HNRNPLL: variants seen among roughly 807,000 people sequenced by gnomAD.
HNRNPLL encodes the protein heterogeneous nuclear ribonucleoprotein L-like.
In HNRNPLL, 25 loss-of-function variants were observed where a neutral mutation model predicts 67.1. The observed-to-expected ratio is 0.37, with a 90% CI of 0.27 to 0.52. The LOEUF is 0.52. HNRNPLL is among the 20% of genes least tolerant of loss of function. HNRNPLL has a pLI of 0.90. For synonymous variants in HNRNPLL, 267 were observed against 241.7 expected (o/e 1.10, Z -0.97); for missense variants, 542 against 673.9 (o/e 0.80, Z 2.17).
intron 7 of HNRNPLL, among the ~76,000 whole-genome samples, chr2:38,575,590 G>C (rs140953045): frequency 1.3e-5 from 2 of 151,898 alleles, no homozygotes; most frequent in East Asian, 1.9e-4. Context: ...GATTCACATA[G>C]ATTTCATACT....
At chr2:38,602,084 C>G in intron 1 of HNRNPLL, 1 of 275,952 alleles carries the variant, frequency 3.6e-6, no homozygotes, top group Non-Finnish European at 6.9e-6. Flanking sequence ...GGTCCCGACG[C>G]TGGCCCCGAG....
chr2:38,596,357 C>T (rs187573562), intron 1 of HNRNPLL, among the ~76,000 whole-genome samples: 82 of 151,708 alleles, frequency 5.4e-4, no homozygotes, highest in African/African-American at 1.9e-3. Flanking sequence ...CTCCTGGGTT[C>T]AAGCAGTTCT....
intron 8 of HNRNPLL, among the ~76,000 whole-genome samples, chr2:38,570,358 T>C (rs946480733): frequency 6.6e-6 from 1 of 152,246 alleles, no homozygotes; most frequent in Non-Finnish European, 1.5e-5. Context: ...ACAGACATTA[T>C]CTTCTTGAAC....
chr2:38,572,441 A>C (rs537902096), intron 8 of HNRNPLL, among the ~76,000 whole-genome samples: 1 of 152,208 alleles, frequency 6.6e-6, no homozygotes, highest in East Asian at 1.9e-4. Context: ...AACAGGAAAA[A>C]AACACATTAC....
intron 1 of HNRNPLL, chr2:38,599,799 T>A: frequency 2.2e-6 from 1 of 448,078 alleles, no homozygotes. Flanking sequence ...CACTCAAGGT[T>A]AATCATAAAA....
intron 4 of HNRNPLL, among the ~76,000 whole-genome samples, chr2:38,582,945 A>T (rs1666591977): frequency 6.6e-6 from 1 of 152,054 alleles, no homozygotes; most frequent in African/African-American, 2.4e-5. Flanking sequence ...TAATTCTTTT[A>T]GGTCATCATT....
chr2:38,564,247 G>A lies in HNRNPLL; in HGVS notation c.1574-10C>T. On this transcript the variant is annotated splice_polypyrimidine_tract_variant and intron_variant, in intron 12 of 12. Coordinates refer to ENST00000449105, the MANE Select transcript of HNRNPLL (RefSeq NM_138394.4). ...TAGGGATTGGAACCATCTGTAAAAA[G>A]TAAAAAACAGTTAATATTTCACTTC... 3 of 1,456,402 alleles carry A rather than the reference G, an allele frequency of 2.1e-6. No individual in the cohort carries two copies. The highest frequency in any genetic ancestry group is 1.2e-5 in the South Asian group (1 of 85,800). 90.2% of individuals were successfully genotyped at this position (1,456,402 alleles called of 1,614,324 possible). A position where few individuals can be genotyped will look rare whatever the true frequency, so the allele number is the denominator to read the frequency against.
chr2:38,601,480 C>T (rs1667430810), intron 1 of HNRNPLL: 1 of 152,196 alleles, frequency 6.6e-6, no homozygotes, highest in Non-Finnish European at 1.5e-5. Context: ...TAAATAACAT[C>T]TAAGTCATTA....
chr2:38,593,913 G>A (rs781415077), intron 1 of HNRNPLL, among the ~76,000 whole-genome samples: 2 of 149,626 alleles, frequency 1.3e-5, no homozygotes, highest in Non-Finnish European at 3.0e-5. Context: ...AGTGGCTTAC[G>A]CCTGCAATCC....
intron 8 of HNRNPLL, among the ~76,000 whole-genome samples, chr2:38,570,981 G>T (rs1009507517): frequency 6.6e-6 from 1 of 152,140 alleles, no homozygotes; most frequent in Non-Finnish European, 1.5e-5. Flanking sequence ...AGAGCTAGAG[G>T]CTGAAGTAAT....
At chr2:38,574,892 C>A (rs779260212) in intron 7 of HNRNPLL, among the ~76,000 whole-genome samples, 2 of 151,800 alleles carry the variant, frequency 1.3e-5, no homozygotes, top group Admixed American at 6.6e-5. Context: ...CATACACACA[C>A]CAAGATTCAA....
chr2:38,596,285 C>A (rs1399509444), intron 1 of HNRNPLL, among the ~76,000 whole-genome samples: 4 of 151,840 alleles, frequency 2.6e-5, no homozygotes, highest in Non-Finnish European at 5.9e-5. Flanking sequence ...TTTTTTGAGA[C>A]AGAGTCTCGC....
chr2:38,579,412 TAATAA>T (rs916501874), intron 6 of HNRNPLL, among the ~76,000 whole-genome samples: 16 of 151,628 alleles, frequency 1.1e-4, no homozygotes, highest in African/African-American at 1.7e-4. Context: ...AGTATAATAA[TAATAA>T]AATAAAATAA....
intron 1 of HNRNPLL, among the ~76,000 whole-genome samples, chr2:38,600,716 AC>A (rs1479929948): frequency 1.3e-5 from 2 of 149,242 alleles, no homozygotes; most frequent in African/African-American, 5.0e-5. Flanking sequence ...GAGCTGCTGC[AC>A]TCCAGCCCCG....
intron 2 of HNRNPLL, among the ~76,000 whole-genome samples, 155 bp downstream of exon 2, chr2:38,591,375 G>A (rs901776058): frequency 6.6e-6 from 1 of 152,164 alleles, no homozygotes; most frequent in Non-Finnish European, 1.5e-5. Context: ...GGCTTAAAAC[G>A]TTCCAAAGAA....
At chr2:38,596,947 C>G (rs560784054) in intron 1 of HNRNPLL, among the ~76,000 whole-genome samples, 3 of 152,338 alleles carry the variant, frequency 2.0e-5, no homozygotes, top group Admixed American at 6.5e-5. Context: ...ACTACAGGCT[C>G]TAGACCAGTC....
Position 38,563,233 on chromosome 2 carries a change from T to C in HNRNPLL, c.*949A>G, listed in dbSNP as rs111980793. The C allele has an allele frequency of 6.6e-6, 1 of 151,554 alleles. No homozygotes were observed. Among genetic ancestry groups the C allele is most frequent in the South Asian group, 2.1e-4 (1 of 4,824 alleles). The allele number at this position is 151,554 out of a possible 1,614,324, so 9.4% of individuals were successfully genotyped here. A position where few individuals can be genotyped will look rare whatever the true frequency, so the allele number is the denominator to read the frequency against. ...TAAATGGTATTGAGACAAATAGCTA[T>C]CTGTTTGGAATAAAAATAAAATTAG... On this transcript the variant is annotated 3_prime_UTR_variant, in exon 13 of 13. Transcript: ENST00000449105.
At chr2:38,594,626 G>A (rs1667100703) in intron 1 of HNRNPLL, among the ~76,000 whole-genome samples, 1 of 152,092 alleles carries the variant, frequency 6.6e-6, no homozygotes, top group Admixed American at 6.6e-5. Flanking sequence ...AATATTTAAA[G>A]CCTGAAAAAA....
chr2:38,569,339 A>G lies in HNRNPLL; in HGVS notation c.1215-5T>C, dbSNP rs766101640. The G allele has an allele frequency of 2.5e-6, 4 of 1,592,338 alleles. No individual in the cohort carries two copies. The highest frequency in any genetic ancestry group is 2.7e-5 in the African/African-American group (2 of 74,448). On this transcript the variant is annotated splice_region_variant and splice_polypyrimidine_tract_variant and intron_variant, in intron 9 of 12. Coordinates refer to ENST00000449105, the MANE Select transcript of HNRNPLL (RefSeq NM_138394.4). ...ACTGAATGTTGTTTAGACACGCTAA[A>G]GATTGTAAAGAAAAGACATACAAAA...
Sources: gnomAD v4.1 joint callset for allele counts (sites outside exome capture counted in the v4.1 genomes callset) on GRCh38, gnomAD v4.1.1 for gene constraint, MANE v1.5 for transcripts, NCBI Gene and HGNC (gene_info 2026-07-23, HGNC 2026-07-21) for gene names.